MAPK8: variants seen among roughly 807,000 people sequenced by gnomAD.
The protein encoded by MAPK8 is mitogen-activated protein kinase 8.
In MAPK8, 13 loss-of-function variants were observed where a neutral mutation model predicts 52.9. The ratio of observed to expected loss-of-function variants is 0.25; its 90% confidence interval spans 0.16 to 0.39. MAPK8 has a LOEUF of 0.39. MAPK8 is among the 10% of genes least tolerant of loss of function. The pLI is 1.00. For synonymous variants in MAPK8, 191 were observed against 169.8 expected, an observed-to-expected ratio of 1.12 and a Z score of -0.97; for missense variants, 300 against 519.2, an observed-to-expected ratio of 0.58 and a Z score of 4.10.
intron 1 of MAPK8, among the ~76,000 whole-genome samples, chr10:48,351,894 C>G (rs1184698144): frequency 8.5e-5 from 13 of 152,122 alleles, no homozygotes. Flanking sequence ...TGAGCATTTG[C>G]TTTGAGTGTC....
intron 1 of MAPK8, among the ~76,000 whole-genome samples, chr10:48,397,232 T>G (rs1010607779): frequency 6.6e-6 from 1 of 151,996 alleles, no homozygotes; most frequent in Non-Finnish European, 1.5e-5. Flanking sequence ...CACTGCAGCC[T>G]CTGACTCCTG....
At chr10:48,384,507 T>G (rs1484099719) in intron 1 of MAPK8, among the ~76,000 whole-genome samples, 2 of 152,206 alleles carry the variant, frequency 1.3e-5, no homozygotes, top group Non-Finnish European at 2.9e-5. Context: ...GCTTAAAAAT[T>G]ACTGAGTTCA....
rs3047769 is a variant in MAPK8 at position 48,414,568 on chromosome 10, A to ATT, written c.450+4425_450+4426dup. On this transcript the variant is annotated intron_variant, in intron 5 of 11. Transcript: ENST00000374189. ...TCCTGGGTTCAATAGGTTGAAAAGA[A>ATT]TTTTTTTTTTTTTTTTTTTTTTTTT... 2.3e-3 allele frequency among the ~76,000 whole-genome samples: 204 copies of ATT among 88,450 alleles called. 3 individuals carry two copies. The highest frequency in any genetic ancestry group is 6.9e-3 in the African/African-American group (147 of 21,414). 58.0% of individuals were successfully genotyped at this position (88,450 alleles called of 152,430 possible).
At chr10:48,355,508 CAA>C (rs67368546) in intron 1 of MAPK8, among the ~76,000 whole-genome samples, 2 of 113,444 alleles carry the variant, frequency 1.8e-5, no homozygotes, top group Non-Finnish European at 3.6e-5. Context: ...GATTCCGTCT[CAA>C]AAAAAAAAAA....
At chr10:48,340,523 C>T (rs1417685409) in intron 1 of MAPK8, among the ~76,000 whole-genome samples, 5 of 151,548 alleles carry the variant, frequency 3.3e-5, no homozygotes, top group Non-Finnish European at 7.4e-5. Flanking sequence ...TGCGTATGTG[C>T]CCCCTGAATC....
At chr10:48,370,569 T>A (rs975792223) in intron 1 of MAPK8, among the ~76,000 whole-genome samples, 1 of 152,150 alleles carries the variant, frequency 6.6e-6, no homozygotes, top group Non-Finnish European at 1.5e-5. Flanking sequence ...AGAGGTCTTA[T>A]GTGCAAAGAA....
In MAPK8 at chr10:48,435,354, A is replaced by G. The variant is rs2133404314; in HGVS notation, c.*325A>G. ...TGATTTTTTTAACTGAATTTGTAAGATTTTGTTTATCAAAGCAACTATTAT... is the reference window on the plus strand; with the variant it reads ...TGATTTTTTTAACTGAATTTGTAAGGTTTTGTTTATCAAAGCAACTATTAT... On this transcript the variant is annotated 3_prime_UTR_variant, in exon 12 of 12. Coordinates refer to ENST00000374189, the MANE Select transcript of MAPK8 (RefSeq NM_001323329.2). 1 of 212,968 alleles carries G rather than the reference A, an allele frequency of 4.7e-6. No homozygotes were observed. The highest frequency in any genetic ancestry group is 2.3e-5 in the African/African-American group (1 of 44,006). 13.2% of individuals were successfully genotyped at this position (212,968 alleles called of 1,614,324 possible).
At chr10:48,326,978 G>A (rs1206493168) in intron 1 of MAPK8, among the ~76,000 whole-genome samples, 2 of 152,130 alleles carry the variant, frequency 1.3e-5, no homozygotes, top group Admixed American at 6.6e-5. Context: ...CAATTCTTCA[G>A]AAATTTCTAA....
At chr10:48,385,488 C>A (rs754006006) in intron 1 of MAPK8, among the ~76,000 whole-genome samples, 1 of 152,154 alleles carries the variant, frequency 6.6e-6, no homozygotes, top group South Asian at 2.1e-4. Context: ...AATCGTAAAT[C>A]CCTTTTGTAG....
chr10:48,429,114 C>A (rs142769586), intron 10 of MAPK8, among the ~76,000 whole-genome samples: 3 of 151,646 alleles, frequency 2.0e-5, no homozygotes, highest in African/African-American at 7.3e-5. Flanking sequence ...TAAGCCACTG[C>A]GCCCAGCCTA....
chr10:48,407,263 C>CAT (rs2042522768), intron 3 of MAPK8, among the ~76,000 whole-genome samples: 1 of 152,218 alleles, frequency 6.6e-6, no homozygotes, highest in Admixed American at 6.5e-5. Context: ...CTAACTATCA[C>CAT]AGTTATCCAG....
intron 1 of MAPK8, among the ~76,000 whole-genome samples, chr10:48,318,933 C>T (rs932329609): frequency 2.6e-5 from 4 of 152,148 alleles, no homozygotes; most frequent in South Asian, 2.1e-4. Context: ...AAATGGAGGA[C>T]GTACACAGCA....
At chr10:48,402,691 A>G (rs1402865993) in intron 2 of MAPK8, among the ~76,000 whole-genome samples, 1 of 152,248 alleles carries the variant, frequency 6.6e-6, no homozygotes. Context: ...AATCTATTCT[A>G]AACAAAATGT....
At chr10:48,360,285 A>G (rs1847400221) in intron 1 of MAPK8, among the ~76,000 whole-genome samples, 1 of 152,244 alleles carries the variant, frequency 6.6e-6, no homozygotes, top group Admixed American at 6.5e-5. Flanking sequence ...CTTAGTATTT[A>G]AGAGAAGTGC....
rs71026206 is a variant in MAPK8, at chr10:48,320,211, C to CTTTTTTTTT, written c.-50+13414_-50+13422dup. Among the ~76,000 whole-genome samples the CTTTTTTTTT allele has an allele frequency of 1.3e-3, 46 of 35,320 alleles. 14 individuals are homozygous for CTTTTTTTTT. Among genetic ancestry groups the CTTTTTTTTT allele is most frequent in the African/African-American group, 1.6e-3 (18 of 11,046 alleles). 23.2% of individuals were successfully genotyped at this position (35,320 alleles called of 152,430 possible). A position where few individuals can be genotyped will look rare whatever the true frequency, so the allele number is the denominator to read the frequency against. ...TTTCAGGTGTGAGCCACTGCTCGGC[C>CTTTTTTTTT]TTTTTTTTTTTTTTTTTTTTTTTTT... On this transcript the variant is annotated intron_variant, in intron 1 of 11. Transcript: ENST00000374189.
At chr10:48,433,713 A>G (rs2044574428) in intron 11 of MAPK8, among the ~76,000 whole-genome samples, 1 of 152,184 alleles carries the variant, frequency 6.6e-6, no homozygotes, top group South Asian at 2.1e-4. Context: ...TTTGAAGAAA[A>G]GCTCACAGAA....
Position 48,438,476 on chromosome 10 carries a change from A to C in MAPK8, c.*3447A>C, listed in dbSNP as rs2045038195. 1 of 152,214 alleles carries C rather than the reference A, an allele frequency of 6.6e-6. No individual in the cohort carries two copies. The highest frequency in any genetic ancestry group is 1.5e-5 in the Non-Finnish European group (1 of 68,004). 9.4% of individuals were successfully genotyped at this position (152,214 alleles called of 1,614,324 possible). ...TGACTGCTCTTCGTTAAGTGCTCTT[A>C]AGGAGAGTCTAGTAACAGTAACACT... On this transcript the variant is annotated 3_prime_UTR_variant, in exon 12 of 12. Transcript: ENST00000374189.
At chr10:48,339,040 A>G (rs939088387) in intron 1 of MAPK8, among the ~76,000 whole-genome samples, 4 of 152,212 alleles carry the variant, frequency 2.6e-5, no homozygotes, top group Non-Finnish European at 4.4e-5. Context: ...TATAATTCCT[A>G]TCAAATTACC....
At position 48,312,879 on chromosome 10, in the gene MAPK8, A is replaced by G. The variant is rs200758271; in HGVS notation, c.-50+6058A>G. Among the ~76,000 whole-genome samples the G allele has an allele frequency of 4.4e-4, 67 of 152,346 alleles. No homozygotes were observed. The East Asian group carries it at 0.012, about 28-fold the overall frequency. On this transcript the variant is annotated intron_variant, in intron 1 of 11. Transcript: ENST00000374189. The stretch of plus-strand genomic sequence containing the variant: ...AAATTCCAAAGATTTAAAAAGATAA[A>G]GAATCTCCTTTTCTACTCTGTGTAG...
Sources: allele counts gnomAD v4.1 joint callset (sites outside exome capture counted in the v4.1 genomes callset), GRCh38; gene constraint gnomAD v4.1.1; transcripts MANE v1.5; gene names NCBI Gene and HGNC (gene_info 2026-07-23, HGNC 2026-07-21).